The following STK32B variants were observed in gnomAD, a reference collection of about 807,000 sequenced individuals.
STK32B encodes serine/threonine-protein kinase 32B.
A neutral mutation model predicts 52.6 loss-of-function variants in STK32B; 43 were observed. The observed-to-expected ratio is 0.82, with a 90% CI of 0.64 to 1.05. The LOEUF (loss-of-function observed/expected upper bound fraction) is 1.05. STK32B is among the 50% of genes least tolerant of loss of function. The pLI, the probability that STK32B is intolerant of heterozygous loss-of-function variation, is 0.00. For missense variants in STK32B, 621 were observed against 534.6 expected, an observed-to-expected ratio of 1.16 and a Z score of -1.59; for synonymous variants, 238 against 204.3, an observed-to-expected ratio of 1.17 and a Z score of -1.41.
chr4:5,357,268 A>G (rs1213463092), intron 4 of STK32B, among the ~76,000 whole-genome samples: 1 of 150,336 alleles, frequency 6.7e-6, no homozygotes, highest in East Asian at 2.0e-4. Flanking sequence ...ACTGTGTTCT[A>G]GACAGCGCAG....
intron 2 of STK32B, among the ~76,000 whole-genome samples, chr4:5,164,584 A>G (rs1219929621): frequency 6.6e-6 from 1 of 152,240 alleles, no homozygotes; most frequent in Non-Finnish European, 1.5e-5. Flanking sequence ...TGCAAGTCCC[A>G]CATTAAGGTG....
At chr4:5,412,145 G>A (rs1057169977) in intron 5 of STK32B, among the ~76,000 whole-genome samples, 6 of 152,124 alleles carry the variant, frequency 3.9e-5, no homozygotes, top group African/African-American at 1.2e-4. Context: ...CTGGGAGCAC[G>A]GTTATTGATT....
chr4:5,025,038 C>G, the STK32B span, among the ~76,000 whole-genome samples: 1 of 152,192 alleles, frequency 6.6e-6, no homozygotes, highest in African/African-American at 2.4e-5. Flanking sequence ...CACCTTCATT[C>G]GTGGGTCTCT....
intron 1 of STK32B, among the ~76,000 whole-genome samples, chr4:5,105,766 T>C (rs1347325646): frequency 2.6e-5 from 4 of 152,012 alleles, no homozygotes; most frequent in Admixed American, 6.5e-5. Context: ...GGTTTCACTG[T>C]GTTAGCCAGG....
At chr4:5,053,911 G>A (rs1466972583) in intron 1 of STK32B, among the ~76,000 whole-genome samples, 2 of 151,664 alleles carry the variant, frequency 1.3e-5, no homozygotes, top group Admixed American at 6.6e-5. Context: ...CCCGGGAGGC[G>A]GAGGTTGCAG....
At chr4:5,496,455 C>G (rs1295520916) in intron 11 of STK32B, among the ~76,000 whole-genome samples, 2 of 152,000 alleles carry the variant, frequency 1.3e-5, no homozygotes, top group African/African-American at 2.4e-5. Context: ...TGGGAGTGAC[C>G]CGATTTTCCA....
At chr4:5,275,911 C>T (rs1341230064) in intron 3 of STK32B, among the ~76,000 whole-genome samples, 3 of 152,084 alleles carry the variant, frequency 2.0e-5, no homozygotes, top group African/African-American at 4.8e-5. Context: ...CATCCAGTCA[C>T]CTGCTAGGAG....
At chr4:5,151,501 G>A (rs567464554) in intron 2 of STK32B, among the ~76,000 whole-genome samples, 1 of 152,334 alleles carries the variant, frequency 6.6e-6, no homozygotes, top group African/African-American at 2.4e-5. Flanking sequence ...AAGAACACAT[G>A]TGAATTCACA....
intron 1 of STK32B, among the ~76,000 whole-genome samples, chr4:5,085,698 A>G (rs191823491): frequency 1.1e-4 from 16 of 152,270 alleles, no homozygotes; most frequent in East Asian, 5.8e-4. Context: ...CTTTTTTGGA[A>G]CTCTGGAGAT....
upstream of STK32B, among the ~76,000 whole-genome samples, chr4:5,047,811 C>G (rs866695410): frequency 6.6e-6 from 1 of 152,162 alleles, no homozygotes; most frequent in Non-Finnish European, 1.5e-5. Flanking sequence ...ATGTTGAAGT[C>G]CTAACCCCTG....
rs1290022066 is a variant in STK32B at position 5,296,744 on chromosome 4, G to C, written c.261-34476G>C. Among the ~76,000 whole-genome samples, 3 of 152,184 alleles carry C rather than the reference G, an allele frequency of 2.0e-5. No homozygotes were observed. In the East Asian group the frequency reaches 5.8e-4, roughly 29 times the overall value. ...TTTGCCAGTCTGTGCCTTGTAATTG[G>C]GGCATTTATCCCATTGACATTTAAG... On this transcript the variant is annotated intron_variant, in intron 3 of 11. Transcript: ENST00000282908.
intron 3 of STK32B, among the ~76,000 whole-genome samples, chr4:5,183,120 T>A (rs2108755020): frequency 6.6e-6 from 1 of 152,298 alleles, no homozygotes; most frequent in South Asian, 2.1e-4. Context: ...GAGCATTGGC[T>A]TCAACTTAAA....
intron 3 of STK32B, among the ~76,000 whole-genome samples, chr4:5,233,262 T>C (rs16836919): frequency 0.097 from 14,781 of 152,148 alleles, 1,149 homozygotes; most frequent in African/African-American, 0.21. Flanking sequence ...GGCAAGGTTA[T>C]GTGGTATTCT....
At chr4:5,037,189 C>T in the STK32B span, among the ~76,000 whole-genome samples, 2 of 152,204 alleles carry the variant, frequency 1.3e-5, no homozygotes, top group Non-Finnish European at 2.9e-5. Context: ...CACCACTTCA[C>T]GCCATCCTAG....
At chr4:5,498,813 G>C in intron 11 of STK32B, 132 bp from the exon 12 acceptor site, 1 of 1,330,244 alleles carries the variant, frequency 7.5e-7, no homozygotes, top group Non-Finnish European at 9.9e-7. Flanking sequence ...ATGCCTTAAT[G>C]ATCAATCTTC....
intron 3 of STK32B, among the ~76,000 whole-genome samples, chr4:5,193,706 G>A (rs1014251238): frequency 5.9e-5 from 9 of 152,258 alleles, no homozygotes; most frequent in African/African-American, 2.2e-4. Context: ...AGCCACATAT[G>A]TGAAACTAGA....
chr4:5,326,800 A>AAAATAAG (rs1485712123), intron 3 of STK32B, among the ~76,000 whole-genome samples: 1 of 152,148 alleles, frequency 6.6e-6, no homozygotes, highest in Non-Finnish European at 1.5e-5. Context: ...AAAATTTCTT[A>AAAATAAG]AAATAAGAAA....
intron 2 of STK32B, among the ~76,000 whole-genome samples, chr4:5,167,340 T>C (rs1718959194): frequency 6.6e-6 from 1 of 152,200 alleles, no homozygotes; most frequent in Admixed American, 6.5e-5. Context: ...GCTTTATCCA[T>C]AAGGTTCTTA....
chr4:5,203,007 G>C (rs1157174471), intron 3 of STK32B, among the ~76,000 whole-genome samples: 1 of 152,204 alleles, frequency 6.6e-6, no homozygotes, highest in Non-Finnish European at 1.5e-5. Flanking sequence ...AAAGGGCTTG[G>C]ATGTTGCCAG....
Sources: gnomAD v4.1 joint callset for allele counts (sites outside exome capture counted in the v4.1 genomes callset) on GRCh38, gnomAD v4.1.1 for gene constraint, MANE v1.5 for transcripts, NCBI Gene and HGNC (gene_info 2026-07-23, HGNC 2026-07-21) for gene names.